Variants in KDM4C observed in about 807,000 individuals in gnomAD.
The protein encoded by KDM4C is lysine demethylase 4C.
Under a neutral mutation model 129.3 loss-of-function variants are expected in KDM4C, and 81 were observed. The observed-to-expected ratio is 0.63, with a 90% CI of 0.52 to 0.75. The LOEUF is 0.75. Among genes scored for constraint, KDM4C ranks in the 30% least tolerant of loss-of-function variants. The probability of loss-of-function intolerance (pLI) is 0.00; values close to 1 mark genes in which losing one functional copy is unlikely to be tolerated. For missense variants in KDM4C, 1,457 were observed against 1,304.0 expected (o/e 1.12, Z -1.81); for synonymous variants, 573 against 456.1 (o/e 1.26, Z -3.26).
intron 19 of KDM4C, among the ~76,000 whole-genome samples, chr9:7,149,718 G>T (rs1842556702): frequency 6.6e-6 from 1 of 152,364 alleles, no homozygotes; most frequent in East Asian, 1.9e-4. Flanking sequence ...TGTGGCTGTG[G>T]TGGCAGTGGT....
intron 17 of KDM4C, among the ~76,000 whole-genome samples, chr9:7,074,757 A>T (rs1440758462): frequency 6.6e-6 from 1 of 152,144 alleles, no homozygotes; most frequent in Non-Finnish European, 1.5e-5. Context: ...TGTTTTGCTG[A>T]GCCTTTTTGG....
intron 1 of KDM4C, among the ~76,000 whole-genome samples, chr9:6,727,843 G>C (rs1817187683): frequency 6.7e-6 from 1 of 149,954 alleles, no homozygotes; most frequent in Non-Finnish European, 1.5e-5. Flanking sequence ...AATGTTCTCA[G>C]TATGAAAAAC....
In KDM4C at chr9:7,150,705, G is replaced by T. The variant is rs1210059704; in HGVS notation, c.2782-14533G>T. On this transcript the variant is annotated intron_variant, in intron 19 of 21. Coordinates refer to ENST00000381309, the MANE Select transcript of KDM4C (RefSeq NM_015061.6). Reference sequence around the variant, plus strand: ...TCCCCTGCAGGCCCTTTTGGGTGTGGTCAACCCCGCAGTGTCAACCCTGTT... The same window carrying T: ...TCCCCTGCAGGCCCTTTTGGGTGTGTTCAACCCCGCAGTGTCAACCCTGTT... Among the ~76,000 whole-genome samples, 6 of 152,238 alleles carry T rather than the reference G, an allele frequency of 3.9e-5. 1 individual carries two copies. The highest frequency in any genetic ancestry group is 4.2e-4 in the South Asian group (2 of 4,818).
chr9:6,833,936 C>T (rs1471250004), intron 4 of KDM4C, among the ~76,000 whole-genome samples: 1 of 151,894 alleles, frequency 6.6e-6, no homozygotes, highest in Non-Finnish European at 1.5e-5. Context: ...TAAGAAAATG[C>T]CTCTGTCGTT....
At chr9:6,941,430 A>C (rs1324550082) in intron 8 of KDM4C, among the ~76,000 whole-genome samples, 1 of 152,144 alleles carries the variant, frequency 6.6e-6, no homozygotes, top group African/African-American at 2.4e-5. Context: ...TTTATCAGAG[A>C]GCATATATTT....
At chr9:6,888,163 G>A (rs1252928267) in intron 7 of KDM4C, 100 bp downstream of exon 7, 3 of 530,080 alleles carry the variant, frequency 5.7e-6, no homozygotes, top group Non-Finnish European at 9.8e-6. Context: ...TTTAGGATGT[G>A]GGTAGAGAAA....
chr9:6,919,259 C>CTTTCTTTCT (rs1554643808), intron 8 of KDM4C, among the ~76,000 whole-genome samples: 52 of 135,804 alleles, frequency 3.8e-4, no homozygotes, highest in African/African-American at 1.4e-3. Context: ...TTCTTTCTTT[C>CTTTCTTTCT]TTTCTTTCTT....
intron 19 of KDM4C, among the ~76,000 whole-genome samples, chr9:7,134,946 G>C (rs778550676): frequency 1.3e-5 from 2 of 152,192 alleles, no homozygotes; most frequent in African/African-American, 4.8e-5. Context: ...AACTGTCTCT[G>C]AAGTCCATGG....
intron 15 of KDM4C, among the ~76,000 whole-genome samples, chr9:7,030,405 T>C (rs1564010893): frequency 1.3e-5 from 2 of 152,216 alleles, no homozygotes; most frequent in Non-Finnish European, 2.9e-5. Flanking sequence ...TCATTATACT[T>C]TTGTCCAACC....
At chr9:6,880,566 G>C (rs1023309213) in intron 6 of KDM4C, among the ~76,000 whole-genome samples, 4 of 152,148 alleles carry the variant, frequency 2.6e-5, no homozygotes, top group Non-Finnish European at 5.9e-5. Flanking sequence ...CCTTAGGGAA[G>C]TGTGAAGGTG....
chr9:6,928,068 T>G (rs949917667), intron 8 of KDM4C, among the ~76,000 whole-genome samples: 1 of 152,350 alleles, frequency 6.6e-6, no homozygotes, highest in Admixed American at 6.5e-5. Context: ...TTATTCCTTT[T>G]TTAGCCCACT....
At chr9:6,786,837 A>G (rs1028404703) in intron 1 of KDM4C, among the ~76,000 whole-genome samples, 30 of 152,208 alleles carry the variant, frequency 2.0e-4, no homozygotes, top group African/African-American at 9.6e-5. Flanking sequence ...GCAAATGGCT[A>G]TGTGTGTTCA....
chr9:7,133,877 C>T (rs533327583), intron 19 of KDM4C, among the ~76,000 whole-genome samples: 2 of 152,148 alleles, frequency 1.3e-5, no homozygotes, highest in East Asian at 3.8e-4. Context: ...TGTGGGATCC[C>T]GGGAAACATT....
intron 1 of KDM4C, among the ~76,000 whole-genome samples, chr9:6,764,302 T>C (rs1319860912): frequency 6.6e-6 from 1 of 152,202 alleles, no homozygotes; most frequent in Non-Finnish European, 1.5e-5. Flanking sequence ...TATAGACTAT[T>C]AGGGTATGAG....
intron 8 of KDM4C, among the ~76,000 whole-genome samples, chr9:6,928,132 G>T (rs1168130969): frequency 6.6e-6 from 1 of 152,112 alleles, no homozygotes; most frequent in Non-Finnish European, 1.5e-5. Context: ...CCAAAACCAG[G>T]AGTCAGTTCT....
At chr9:7,050,801 G>C (rs1309080900) in intron 17 of KDM4C, among the ~76,000 whole-genome samples, 2 of 152,036 alleles carry the variant, frequency 1.3e-5, no homozygotes, top group African/African-American at 4.8e-5. Context: ...AGTCCCAAAG[G>C]GTTTTTGAGA....
intron 1 of KDM4C, among the ~76,000 whole-genome samples, chr9:6,768,258 C>A (rs1311131789): frequency 6.6e-6 from 1 of 151,834 alleles, no homozygotes. Flanking sequence ...AATCTCGGTC[C>A]CTGGGAAAGC....
chr9:6,769,902 C>T (rs1821397943), intron 1 of KDM4C, among the ~76,000 whole-genome samples: 1 of 152,152 alleles, frequency 6.6e-6, no homozygotes, highest in African/African-American at 2.4e-5. Flanking sequence ...TGTGTTACGC[C>T]ATGCCCGGTG....
At chr9:6,782,168 CTG>C (rs1312698611) in intron 1 of KDM4C, among the ~76,000 whole-genome samples, 1 of 152,112 alleles carries the variant, frequency 6.6e-6, no homozygotes, top group Non-Finnish European at 1.5e-5. Flanking sequence ...GATACGGAAT[CTG>C]TGAATAATGA....
Sources: gnomAD v4.1 joint callset for allele counts (sites outside exome capture counted in the v4.1 genomes callset) on GRCh38, gnomAD v4.1.1 for gene constraint, MANE v1.5 for transcripts, NCBI Gene and HGNC (gene_info 2026-07-23, HGNC 2026-07-21) for gene names.